Variants in CDCA5 observed in about 807,000 individuals in gnomAD.
CDCA5 encodes cell division cycle associated 5.
Under a neutral mutation model 25.7 loss-of-function variants are expected in CDCA5, and 14 were observed. That is an observed-to-expected ratio of 0.54 (90% CI 0.36 to 0.85). CDCA5 has a LOEUF of 0.85. CDCA5 is among the 40% of genes least tolerant of loss of function. CDCA5 has a pLI of 0.01. For missense variants in CDCA5, 307 were observed against 324.5 expected (o/e 0.95, Z 0.41); for synonymous variants, 127 against 128.7 (o/e 0.99, Z 0.09).
At chr11:65,066,608 A>ATCCTGGATGGCCTGGGCCTCC (rs769977586) in exon 6 of CDCA5, 4 of 1,289,078 alleles carry the variant, frequency 3.1e-6, no homozygotes, top group Non-Finnish European at 3.0e-6. Context: ...CCTTCACTTC[A>ATCCTGGATGGCCTGGGCCTCC]TCCTGGATGG....
rs1254112515 is a variant in CDCA5, at chr11:65,078,573, A to T, written c.*534T>A. ...TCCAAGACAGAATTGCCCTCAGCCC[A>T]CGAATTCTCTCTGGGACTATTTACA... On this transcript the variant is annotated 3_prime_UTR_variant, in exon 6 of 6. Coordinates refer to ENST00000275517, the MANE Select transcript of CDCA5 (RefSeq NM_080668.4). 2.9e-5 allele frequency: 29 copies of T among 985,736 alleles called. No individual in the cohort carries two copies. Among genetic ancestry groups the T allele is most frequent in the Non-Finnish European group, 3.4e-5 (28 of 830,222 alleles). The allele number at this position is 985,736 out of a possible 1,614,324, so 61.1% of individuals were successfully genotyped here. A position where few individuals can be genotyped will look rare whatever the true frequency, so the allele number is the denominator to read the frequency against.
intron 1 of CDCA5, chr11:65,068,707 T>A: frequency 3.9e-6 from 2 of 514,092 alleles, no homozygotes; most frequent in Non-Finnish European, 6.6e-6. Context: ...GGCGAGCGTC[T>A]ATCACCAGCT....
chr11:65,061,777 G>GAAAAAAAAAA (rs781316054), downstream of CDCA5, among the ~76,000 whole-genome samples: 27 of 81,466 alleles, frequency 3.3e-4, no homozygotes, highest in South Asian at 9.1e-4. Flanking sequence ...TCCGTCTCAA[G>GAAAAAAAAAA]AAAAAAAAAA....
intron 4 of CDCA5, chr11:65,067,625 T>C (rs1382169483): frequency 3.9e-6 from 5 of 1,268,988 alleles, no homozygotes; most frequent in East Asian, 5.6e-5. Flanking sequence ...CCTGTCACCC[T>C]ACCCGCTCCC....
At chr11:65,066,848 G>T in exon 5 of CDCA5, 1 of 1,289,352 alleles carries the variant, frequency 7.8e-7, no homozygotes, top group Non-Finnish European at 1.0e-6. Flanking sequence ...GCCAGGTTGT[G>T]CACTTGGGTG....
downstream of CDCA5, among the ~76,000 whole-genome samples, chr11:65,062,621 C>T (rs907946040): frequency 3.3e-5 from 5 of 152,150 alleles, no homozygotes; most frequent in African/African-American, 1.2e-4. Flanking sequence ...GAGCTCTTCC[C>T]TGACTACTCT....
chr11:65,067,959 T>A, intron 3 of CDCA5: 1 of 1,109,744 alleles, frequency 9.0e-7, no homozygotes, highest in South Asian at 1.3e-5. Flanking sequence ...CCTCCCCCAG[T>A]TTTGTGCGTG....
chr11:65,066,775 G>A, intron 5 of CDCA5: 2 of 1,288,570 alleles, frequency 1.6e-6, no homozygotes, highest in Non-Finnish European at 2.0e-6. Context: ...CAGGGAGGAG[G>A]CAAGACAAAG....
At chr11:65,068,596 A>G (rs1428040386) in exon 2 of CDCA5, 1 of 1,288,108 alleles carries the variant, frequency 7.8e-7, no homozygotes, top group Non-Finnish European at 1.0e-6. Flanking sequence ...GTCTGCCCCT[A>G]AGAGACTGAG....
chr11:65,081,044 CCA>C (rs1947554267), intron 4 of CDCA5, among the ~76,000 whole-genome samples: 2 of 152,118 alleles, frequency 1.3e-5, no homozygotes, highest in African/African-American at 4.8e-5. Flanking sequence ...AACCCTGAGG[CCA>C]CAGTGTACTA....
downstream of CDCA5, among the ~76,000 whole-genome samples, chr11:65,075,732 T>C (rs1947431981): frequency 6.6e-6 from 1 of 152,228 alleles, no homozygotes; most frequent in Non-Finnish European, 1.5e-5. Flanking sequence ...AAGGCAGTTC[T>C]AGATTCTGAT....
intron 1 of CDCA5, among the ~76,000 whole-genome samples, chr11:65,071,108 AT>A (rs577421185): frequency 6.7e-6 from 1 of 150,144 alleles, no homozygotes; most frequent in Non-Finnish European, 1.5e-5. Flanking sequence ...CACCCGGCTA[AT>A]TTTTTGTATT....
Position 65,079,502 on chromosome 11 carries a change from A to C in CDCA5, c.529T>G (p.Leu177Val). ...GFEGLLGAEDLSGVSPVVCSK... is the reference protein window; with the variant it reads ...GFEGLLGAEDVSGVSPVVCSK... ...CACACCACTGGCGAGACTCCGGACA[A>C]GTCTTCTGCCCCCAGCAGCCCCTCG... Residue 177 changes from leucine (L) to valine (V), a missense_variant, in exon 5 of 6, where the codon TTG (leucine) becomes GTG (valine). Coordinates refer to ENST00000275517, the MANE Select transcript of CDCA5 (RefSeq NM_080668.4). The C allele has an allele frequency of 6.2e-7, 1 of 1,614,134 alleles. No homozygotes were observed. The highest frequency in any genetic ancestry group is 1.3e-5 in the African/African-American group (1 of 75,024).
chr11:65,077,453 T>C lies in CDCA5; in HGVS notation c.*1654A>G. ...GACTCAATAAAAGAAACACAGTCCA[T>C]GAACAGGCAGAAACTCTTTAATCAG... is the stretch of plus-strand genomic sequence containing the variant. On this transcript the variant is annotated 3_prime_UTR_variant, in exon 6 of 6. Coordinates refer to ENST00000275517, the MANE Select transcript of CDCA5 (RefSeq NM_080668.4). 3 of 985,430 alleles carry C rather than the reference T, an allele frequency of 3.0e-6. No individual in the cohort carries two copies. Among genetic ancestry groups the C allele is most frequent in the Non-Finnish European group, 2.4e-6 (2 of 829,916 alleles). 61.0% of individuals were successfully genotyped at this position (985,430 alleles called of 1,614,324 possible).
downstream of CDCA5, among the ~76,000 whole-genome samples, chr11:65,062,846 A>G (rs111988794): frequency 1.4e-4 from 21 of 152,100 alleles, no homozygotes; most frequent in African/African-American, 5.1e-4. Flanking sequence ...ATTTTTCTCC[A>G]TTGCATCTAT....
At chr11:65,066,351 G>C (rs993544181), downstream of CDCA5, 2 of 1,172,008 alleles carry the variant, frequency 1.7e-6, no homozygotes, top group Admixed American at 3.7e-5. Flanking sequence ...CTGAAGGAGC[G>C]GCCTCCCGAG....
chr11:65,079,396 G>C lies in CDCA5; in HGVS notation c.635C>G (p.Pro212Arg). 1 of 1,614,056 alleles carries C rather than the reference G, an allele frequency of 6.2e-7. No homozygotes were observed. Among genetic ancestry groups the C allele is most frequent in the South Asian group, 1.1e-5 (1 of 91,068 alleles). Residue 212 changes from proline (P) to arginine (R), a missense_variant, in exon 5 of 6, where the codon CCC becomes CGC. Transcript: ENST00000275517. ...DMTLPGISPPPEKQKRKKKKM... is the reference protein window; with the variant it reads ...DMTLPGISPPREKQKRKKKKM... ...CTTCTTCTTACGTTTCTGTTTCTCG[G>C]GTGGTGGGGAGATTCCAGGGAGAGT...
chr11:65,062,054 G>A (rs956900324), downstream of CDCA5, among the ~76,000 whole-genome samples: 8 of 151,060 alleles, frequency 5.3e-5, no homozygotes, highest in South Asian at 2.1e-4. Flanking sequence ...CTGAGTAGCC[G>A]GGATCACAGG....
intron 1 of CDCA5, among the ~76,000 whole-genome samples, chr11:65,070,408 C>T (rs1405171197): frequency 1.3e-5 from 2 of 152,212 alleles, no homozygotes; most frequent in African/African-American, 4.8e-5. Flanking sequence ...TACCAGTGTA[C>T]CCACGTAGGG....
Sources: gnomAD v4.1 joint callset for allele counts (sites outside exome capture counted in the v4.1 genomes callset) on GRCh38, gnomAD v4.1.1 for gene constraint, MANE v1.5 for transcripts, NCBI Gene and HGNC (gene_info 2026-07-23, HGNC 2026-07-21) for gene names.